SLC35E2B: variants seen among roughly 807,000 people sequenced by gnomAD.
SLC35E2B encodes the protein solute carrier family 35 member E2B.
A neutral mutation model predicts 32.4 loss-of-function variants in SLC35E2B; 18 were observed. The ratio of observed to expected loss-of-function variants is 0.56; its 90% confidence interval spans 0.38 to 0.82. The LOEUF (loss-of-function observed/expected upper bound fraction) is 0.82. Among genes scored for constraint, SLC35E2B ranks in the 40% least tolerant of loss-of-function variants. The pLI is 0.00. For missense variants in SLC35E2B, 263 were observed against 469.5 expected (o/e 0.56, Z 4.06); for synonymous variants, 132 against 209.1 (o/e 0.63, Z 3.18).
At chr1:1,681,912 G>A (rs893662892) in intron 2 of SLC35E2B, among the ~76,000 whole-genome samples, 3 of 145,384 alleles carry the variant, frequency 2.1e-5, no homozygotes, top group East Asian at 4.2e-4. Flanking sequence ...GTGAACCCGG[G>A]AGGTGGAGCT....
At chr1:1,686,793 A>G (rs561070834) in intron 2 of SLC35E2B, among the ~76,000 whole-genome samples, 156 of 151,806 alleles carry the variant, frequency 1.0e-3, no homozygotes, top group Non-Finnish European at 1.8e-3. Flanking sequence ...ACGGAGGCTC[A>G]CGCCTGTAAT....
In SLC35E2B at chr1:1,687,823, G is replaced by A. The variant is rs562482823; in HGVS notation, c.-148+3153C>T. Among the ~76,000 whole-genome samples, 17 of 152,176 alleles carry A rather than the reference G, an allele frequency of 1.1e-4. 1 individual carries two copies. The South Asian group carries it at 3.1e-3, about 28-fold the overall frequency. The stretch of plus-strand genomic sequence containing the variant: ...GGCATGAGAATCGCTTGAACCCGGA[G>A]GCGGAGGTTGCAGGGAACCAAGATT... On this transcript the variant is annotated intron_variant, in intron 2 of 9. Coordinates refer to ENST00000617444, the MANE Select transcript of SLC35E2B (RefSeq NM_001290264.2).
rs1397281994 is a variant in SLC35E2B, at chr1:1,670,145, T to C, written c.714A>G (p.Gln238=). The part of the protein sequence containing the change: ...ALSTNIMDCL[Q]NVFSKKLLSG... ...TGAGCAGCTTTTTTGAAAAAACATT[T>C]TGCAAACTAGAATAAAGAAAAGAGG... Residue 238 remains glutamine, a synonymous_variant, in exon 7 of 10, where the codon CAA becomes CAG. Transcript: ENST00000617444. The C allele has an allele frequency of 2.6e-6, 4 of 1,550,890 alleles. No individual in the cohort carries two copies. Among genetic ancestry groups the C allele is most frequent in the African/African-American group, 1.4e-5 (1 of 73,012 alleles).
In SLC35E2B at chr1:1,663,152, G is replaced by A; in HGVS notation, c.*2630C>T. 1 of 925,664 alleles carries A rather than the reference G, an allele frequency of 1.1e-6. No individual in the cohort carries two copies. Among genetic ancestry groups the A allele is most frequent in the African/African-American group, 1.8e-5 (1 of 56,912 alleles). 57.3% of individuals were successfully genotyped at this position (925,664 alleles called of 1,614,324 possible). ...GCTCCTTCTGCCAGGATGAGGAAGA[G>A]GCCCCAGAGCAGCGTTACACAGGAA... On this transcript the variant is annotated 3_prime_UTR_variant, in exon 10 of 10. Coordinates refer to ENST00000617444, the MANE Select transcript of SLC35E2B (RefSeq NM_001290264.2).
chr1:1,683,750 A>T (rs1344460061), intron 2 of SLC35E2B, among the ~76,000 whole-genome samples: 2 of 151,966 alleles, frequency 1.3e-5, no homozygotes, highest in African/African-American at 2.4e-5. Flanking sequence ...TCATCAGCAT[A>T]AGCTCAGGTG....
intron 2 of SLC35E2B, among the ~76,000 whole-genome samples, chr1:1,686,936 C>G (rs919337912): frequency 1.3e-5 from 2 of 151,300 alleles, no homozygotes; most frequent in Admixed American, 6.6e-5. Context: ...GGCACCTGTA[C>G]TCCCAGCTAC....
chr1:1,671,529 C>G lies in SLC35E2B; in HGVS notation c.687G>C (p.Leu229=), dbSNP rs1461799746. Residue 229 remains leucine (L), a synonymous_variant, in exon 6 of 10, where the codon CTG becomes CTC. Transcript: ENST00000617444. ...SFNVLGFSAA[L]STNIMDCLQN... is the part of the protein sequence containing the mutation. ...CTCACCAGTCCATGATGTTGGTGGA[C>G]AGTGCGGCCGAGAACCCCAGGACAT... 1 of 1,542,768 alleles carries G rather than the reference C, an allele frequency of 6.5e-7. No homozygotes were observed. Among genetic ancestry groups the G allele is most frequent in the South Asian group, 1.2e-5 (1 of 82,500 alleles).
At chr1:1,666,115 T>TG in intron 9 of SLC35E2B, 96 bp from the exon 10 acceptor site, 1 of 1,391,398 alleles carries the variant, frequency 7.2e-7, no homozygotes, top group Non-Finnish European at 9.6e-7. Context: ...GGAGGCTGGG[T>TG]GGGGTTGGGG....
Position 1,664,344 on chromosome 1 carries a change from G to T in SLC35E2B, c.*1438C>A. The T allele has an allele frequency of 2.1e-6, 2 of 947,092 alleles. No individual in the cohort carries two copies. The highest frequency in any genetic ancestry group is 2.5e-6 in the Non-Finnish European group (2 of 795,698). The allele number at this position is 947,092 out of a possible 1,614,324, so 58.7% of individuals were successfully genotyped here. On this transcript the variant is annotated 3_prime_UTR_variant, in exon 10 of 10. Transcript: ENST00000617444. ...GGCTATTTTTGTATTTCCCAGGTGA[G>T]AAGCCAAATGGAAAGCCAGTGAAGT...
chr1:1,690,672 G>A (rs1644008352), intron 2 of SLC35E2B, among the ~76,000 whole-genome samples: 1 of 113,146 alleles, frequency 8.8e-6, no homozygotes, highest in Admixed American at 9.7e-5. Context: ...CTGGGAGGCG[G>A]AGGTTGCAGT....
intron 9 of SLC35E2B, 80 bp from the exon 10 acceptor site, chr1:1,666,099 G>A (rs1168067147): frequency 8.9e-6 from 13 of 1,459,254 alleles, no homozygotes; most frequent in Non-Finnish European, 9.2e-6. Flanking sequence ...GGCTGAGCCT[G>A]GGTCTGGAGG....
Position 1,666,133 on chromosome 1 carries a change from C to T in SLC35E2B, c.981-114G>A, listed in dbSNP as rs930547295. On this transcript the variant is annotated intron_variant, in intron 9 of 9. Transcript: ENST00000617444. ...GGCTGGGTGGGGTTGGGGGACTCAGCGTCACGGTGACATCAGCCCTGCGGC... is the reference window on the plus strand; with the variant it reads ...GGCTGGGTGGGGTTGGGGGACTCAGTGTCACGGTGACATCAGCCCTGCGGC... The T allele has an allele frequency of 5.3e-5, 67 of 1,261,280 alleles. 1 individual carries two copies. The highest frequency in any genetic ancestry group is 4.1e-4 in the East Asian group (16 of 38,908). The allele number at this position is 1,261,280 out of a possible 1,614,324, so 78.1% of individuals were successfully genotyped here. A position where few individuals can be genotyped will look rare whatever the true frequency, so the allele number is the denominator to read the frequency against.
Position 1,683,201 on chromosome 1 carries a change from CCA to C in SLC35E2B, c.-147-6357_-147-6356del, listed in dbSNP as rs372794314. ...GGTTATTTCCACGTTGAGCAATTCT[CCA>C]CAGACACTAGCTGTGTGTCCTCTGG... On this transcript the variant is annotated intron_variant, in intron 2 of 9. Transcript: ENST00000617444. Among the ~76,000 whole-genome samples the C allele has an allele frequency of 6.2e-4, 94 of 152,318 alleles. No homozygotes were observed. In the East Asian group the frequency reaches 0.012, roughly 19 times the overall value.
chr1:1,683,442 T>TA (rs1490274364), intron 2 of SLC35E2B, among the ~76,000 whole-genome samples: 1 of 152,090 alleles, frequency 6.6e-6, no homozygotes, highest in African/African-American at 2.4e-5. Flanking sequence ...GCACTTACGT[T>TA]AAAAGAAAAC....
intron 2 of SLC35E2B, among the ~76,000 whole-genome samples, chr1:1,678,623 C>T (rs552235993): frequency 1.2e-4 from 19 of 152,178 alleles, no homozygotes; most frequent in East Asian, 5.8e-4. Flanking sequence ...AGGAGAAGGC[C>T]GACCCCTCCA....
chr1:1,688,278 C>T (rs935331755), intron 2 of SLC35E2B, among the ~76,000 whole-genome samples: 5 of 151,816 alleles, frequency 3.3e-5, no homozygotes, highest in African/African-American at 7.3e-5. Context: ...ATCACAATCA[C>T]GACGAGTCAC....
At chr1:1,680,901 C>G (rs1643894728) in intron 2 of SLC35E2B, among the ~76,000 whole-genome samples, 1 of 151,658 alleles carries the variant, frequency 6.6e-6, no homozygotes, top group African/African-American at 2.4e-5. Context: ...CTCCCAGGTT[C>G]AAGGGATTCT....
At chr1:1,681,329 C>G (rs561279626) in intron 2 of SLC35E2B, among the ~76,000 whole-genome samples, 2 of 151,890 alleles carry the variant, frequency 1.3e-5, no homozygotes, top group Admixed American at 1.3e-4. Context: ...TCTGAAGTAG[C>G]TGGGACTACA....
At position 1,662,004 on chromosome 1, in the gene SLC35E2B, TTGAG is replaced by T. The variant is rs1643410989; in HGVS notation, c.*3774_*3777del. ...GGAACAGTTTCCAACCGAGTTTTCG[TTGAG>T]TGAGGATCCAGCAGCCATCAAACTC... On this transcript the variant is annotated 3_prime_UTR_variant, in exon 10 of 10. Transcript: ENST00000617444. 2 of 426,514 alleles carry T rather than the reference TTGAG, an allele frequency of 4.7e-6. No individual in the cohort carries two copies. Among genetic ancestry groups the T allele is most frequent in the South Asian group, 1.1e-4 (1 of 8,894 alleles). 26.4% of individuals were successfully genotyped at this position (426,514 alleles called of 1,614,324 possible).
Sources: allele counts gnomAD v4.1 joint callset (sites outside exome capture counted in the v4.1 genomes callset), GRCh38; gene constraint gnomAD v4.1.1; transcripts MANE v1.5; gene names NCBI Gene and HGNC (gene_info 2026-07-23, HGNC 2026-07-21).